Variants in ANGPT1 observed in about 807,000 individuals in gnomAD.
ANGPT1 encodes the protein angiopoietin-1.
A neutral mutation model predicts 62.2 loss-of-function variants in ANGPT1; 17 were observed. The ratio of observed to expected loss-of-function variants is 0.27; its 90% CI spans 0.19 to 0.41. The LOEUF (loss-of-function observed/expected upper bound fraction) is 0.41. Among genes scored for constraint, ANGPT1 ranks in the 10% least tolerant of loss-of-function variants. The pLI is 1.00. For synonymous variants in ANGPT1, 199 were observed against 198.9 expected (o/e 1.00, Z 0.00); for missense variants, 478 against 594.9 (o/e 0.80, Z 2.04).
At chr8:107,369,817 C>T (rs1816345229) in intron 1 of ANGPT1, among the ~76,000 whole-genome samples, 1 of 152,084 alleles carries the variant, frequency 6.6e-6, no homozygotes, top group Non-Finnish European at 1.5e-5. Flanking sequence ...GTTCATGGCA[C>T]TCCAAAACGG....
chr8:107,292,943 A>C (rs1275612626), intron 6 of ANGPT1, among the ~76,000 whole-genome samples: 1 of 152,198 alleles, frequency 6.6e-6, no homozygotes, highest in Non-Finnish European at 1.5e-5. Flanking sequence ...TAGAGGTTTC[A>C]GCTGCAAAAG....
At chr8:107,378,687 G>A (rs1025019589) in intron 1 of ANGPT1, among the ~76,000 whole-genome samples, 41 of 151,882 alleles carry the variant, frequency 2.7e-4, no homozygotes, top group African/African-American at 2.7e-4. Flanking sequence ...GTGAGTTCTT[G>A]CGAGATCTGA....
intron 1 of ANGPT1, among the ~76,000 whole-genome samples, chr8:107,354,628 CAAT>C (rs1174464795): frequency 6.6e-6 from 1 of 151,368 alleles, no homozygotes; most frequent in African/African-American, 2.5e-5. Flanking sequence ...AGTAAAGAAA[CAAT>C]GATACTAGAA....
intron 1 of ANGPT1, among the ~76,000 whole-genome samples, chr8:107,470,457 C>T (rs188741258): frequency 6.8e-6 from 1 of 147,606 alleles, no homozygotes; most frequent in Admixed American, 6.9e-5. Flanking sequence ...AGTGACCTGG[C>T]AAATTCATTT....
chr8:107,262,898 C>T (rs1307340984), intron 8 of ANGPT1, among the ~76,000 whole-genome samples: 4 of 152,190 alleles, frequency 2.6e-5, no homozygotes, highest in Non-Finnish European at 5.9e-5. Flanking sequence ...CATGTATCAA[C>T]TTCACAGTTT....
chr8:107,407,786 G>T (rs1817179621), intron 1 of ANGPT1, among the ~76,000 whole-genome samples: 1 of 152,140 alleles, frequency 6.6e-6, no homozygotes, highest in Non-Finnish European at 1.5e-5. Context: ...GAGAGGCGGT[G>T]TGTATGCAGG....
chr8:107,324,853 T>C (rs1291942694), intron 3 of ANGPT1, among the ~76,000 whole-genome samples: 6 of 152,184 alleles, frequency 3.9e-5, no homozygotes, highest in African/African-American at 1.4e-4. Flanking sequence ...CCATTTCTGT[T>C]TTGAATTGCT....
chr8:107,330,271 A>T (rs1319326280), intron 3 of ANGPT1, among the ~76,000 whole-genome samples: 1 of 152,158 alleles, frequency 6.6e-6, no homozygotes, highest in Non-Finnish European at 1.5e-5. Context: ...TATGTTACAA[A>T]TTAGGAAACC....
chr8:107,308,706 A>G (rs1814780415), intron 4 of ANGPT1, among the ~76,000 whole-genome samples: 2 of 152,204 alleles, frequency 1.3e-5, no homozygotes, highest in Non-Finnish European at 2.9e-5. Flanking sequence ...ATAAATCTAG[A>G]AAGTCCTAGG....
At chr8:107,368,013 G>A (rs186661651) in intron 1 of ANGPT1, among the ~76,000 whole-genome samples, 117 of 152,192 alleles carry the variant, frequency 7.7e-4, no homozygotes, top group South Asian at 3.3e-3. Flanking sequence ...TGTTCTTACT[G>A]GCTTCTAGAA....
At chr8:107,428,882 C>A (rs963602790) in intron 1 of ANGPT1, among the ~76,000 whole-genome samples, 1 of 152,152 alleles carries the variant, frequency 6.6e-6, no homozygotes, top group African/African-American at 2.4e-5. Context: ...TTCTCTTAAA[C>A]CCTCAGGTAA....
At chr8:107,388,653 T>A (rs1816778870) in intron 1 of ANGPT1, among the ~76,000 whole-genome samples, 1 of 152,148 alleles carries the variant, frequency 6.6e-6, no homozygotes, top group South Asian at 2.1e-4. Flanking sequence ...AGAGTGGACC[T>A]GCTTTATTGC....
intron 1 of ANGPT1, among the ~76,000 whole-genome samples, chr8:107,444,792 G>A (rs1387161780): frequency 6.6e-6 from 1 of 152,102 alleles, no homozygotes; most frequent in African/African-American, 2.4e-5. Context: ...TTCTAGATCA[G>A]ATGATAGCTA....
At chr8:107,341,749 G>C (rs768441982) in intron 2 of ANGPT1, among the ~76,000 whole-genome samples, 2 of 151,756 alleles carry the variant, frequency 1.3e-5, no homozygotes, top group Non-Finnish European at 2.9e-5. Context: ...ACAGAGAACT[G>C]TGGGTAGAAA....
At chr8:107,279,496 T>C (rs938468426) in intron 7 of ANGPT1, among the ~76,000 whole-genome samples, 13 of 152,144 alleles carry the variant, frequency 8.5e-5, no homozygotes, top group South Asian at 2.1e-4. Context: ...GATGCCCATA[T>C]GGTGGGTAGT....
At chr8:107,383,916 T>C (rs564263635) in intron 1 of ANGPT1, among the ~76,000 whole-genome samples, 29 of 152,244 alleles carry the variant, frequency 1.9e-4, no homozygotes, top group African/African-American at 7.0e-4. Context: ...TACCTCACCT[T>C]TCTGTAATCT....
At chr8:107,282,553 C>CATATATATATATATAT (rs753412026) in intron 7 of ANGPT1, among the ~76,000 whole-genome samples, 6 of 51,076 alleles carry the variant, frequency 1.2e-4, no homozygotes, top group East Asian at 5.7e-4. Context: ...ATATATGAAC[C>CATATATATATATATAT]ATATATATAT....
At chr8:107,275,501 G>T (rs1286353701) in intron 7 of ANGPT1, among the ~76,000 whole-genome samples, 5 of 152,058 alleles carry the variant, frequency 3.3e-5, no homozygotes, top group Non-Finnish European at 7.3e-5. Flanking sequence ...TCCAAAACTG[G>T]TTAGCCCTCT....
chr8:107,365,856 AAC>A (rs10627552), intron 1 of ANGPT1, among the ~76,000 whole-genome samples: 41,580 of 147,002 alleles, frequency 0.28, 6,630 homozygotes, highest in Middle Eastern at 0.41. Context: ...AAACAAATAC[AAC>A]ACACACACAC....
Sources: gnomAD v4.1 joint callset for allele counts (sites outside exome capture counted in the v4.1 genomes callset) on GRCh38, gnomAD v4.1.1 for gene constraint, MANE v1.5 for transcripts, NCBI Gene and HGNC (gene_info 2026-07-23, HGNC 2026-07-21) for gene names.